CFAP53: variants seen among roughly 807,000 people sequenced by gnomAD.
CFAP53 encodes the protein cilia and flagella associated protein 53, also known as cilia- and flagella-associated protein 53.
Under a neutral mutation model 59.7 loss-of-function variants are expected in CFAP53, and 62 were observed. The observed-to-expected ratio is 1.04, with a 90% CI of 0.85 to 1.28. The LOEUF is 1.28. Ranked by LOEUF, CFAP53 falls within the 50% of genes most tolerant of loss-of-function variation. CFAP53 has a pLI of 0.00. For synonymous variants in CFAP53, 218 were observed against 205.7 expected, an observed-to-expected ratio of 1.06 and a Z score of -0.51; for missense variants, 629 against 615.6, an observed-to-expected ratio of 1.02 and a Z score of -0.23.
At chr18:50,255,704 T>G (rs564841266) in intron 3 of CFAP53, among the ~76,000 whole-genome samples, 1 of 152,168 alleles carries the variant, frequency 6.6e-6, no homozygotes, top group Non-Finnish European at 1.5e-5. Context: ...GTATCAAATA[T>G]TCTATGAATG....
chr18:50,237,945 A>G (rs956662359), intron 7 of CFAP53, among the ~76,000 whole-genome samples: 1 of 152,166 alleles, frequency 6.6e-6, no homozygotes, highest in Non-Finnish European at 1.5e-5. Context: ...CCTGCTTTTC[A>G]GGATTTGTTT....
chr18:50,239,524 C>T (rs1023078758), intron 6 of CFAP53, among the ~76,000 whole-genome samples: 5 of 152,124 alleles, frequency 3.3e-5, no homozygotes, highest in Non-Finnish European at 7.4e-5. Flanking sequence ...AGAAATTCAT[C>T]TTAAACAACC....
rs1568151927 is a variant in CFAP53 at position 50,238,667 on chromosome 18, C to T, written c.1252G>A (p.Glu418Lys). 2 of 1,611,776 alleles carry T rather than the reference C, an allele frequency of 1.2e-6. No individual in the cohort carries two copies. Among genetic ancestry groups the T allele is most frequent in the Non-Finnish European group, 1.7e-6 (2 of 1,179,062 alleles). ...AGACTTTCATTTATGTGTTTCTGTTCCATAGCACGTTCTTCCTGTTCTTTA... is the reference window on the plus strand; with the variant it reads ...AGACTTTCATTTATGTGTTTCTGTTTCATAGCACGTTCTTCCTGTTCTTTA... Reference protein sequence around the residue: ...EAKEQEERAMEQKHINESLKE... With the variant: ...EAKEQEERAMKQKHINESLKE... Residue 418 changes from glutamate to lysine, a missense_variant, in exon 7 of 8, where the codon GAA becomes AAA. By Grantham distance (56) the Glu-to-Lys change is moderately conservative. Transcript: ENST00000398545.
At chr18:50,249,320 C>A (rs1384110199) in intron 5 of CFAP53, among the ~76,000 whole-genome samples, 1 of 151,456 alleles carries the variant, frequency 6.6e-6, no homozygotes, top group African/African-American at 2.4e-5. Flanking sequence ...GAGTTCAAGA[C>A]CAGCCTGGGC....
intron 7 of CFAP53, among the ~76,000 whole-genome samples, chr18:50,228,333 G>C (rs548173873): frequency 2.6e-5 from 4 of 151,998 alleles, no homozygotes; most frequent in Non-Finnish European, 5.9e-5. Context: ...CCACATCCCC[G>C]CACAAGAGGC....
At chr18:50,246,039 G>A (rs1442808472) in intron 5 of CFAP53, among the ~76,000 whole-genome samples, 1 of 152,130 alleles carries the variant, frequency 6.6e-6, no homozygotes, top group Non-Finnish European at 1.5e-5. Context: ...ACAGGCATGG[G>A]CCACCATGCC....
intron 5 of CFAP53, among the ~76,000 whole-genome samples, chr18:50,246,546 T>C (rs1279578396): frequency 6.6e-6 from 1 of 152,228 alleles, no homozygotes; most frequent in Non-Finnish European, 1.5e-5. Context: ...AGTACATCTT[T>C]GTGATCCTAG....
Position 50,266,419 on chromosome 18 carries a change from C to T in CFAP53, c.-15G>A, listed in dbSNP as rs375383045. The stretch of plus-strand genomic sequence containing the variant: ...TGGCTGTACATTTTCGAGTCCCCTT[C>T]GGGACGGGGGCGGCGTCCGCCGCGT... On this transcript the variant is annotated 5_prime_UTR_variant, in exon 1 of 8. Transcript: ENST00000398545. 1 of 1,614,014 alleles carries T rather than the reference C, an allele frequency of 6.2e-7. No individual in the cohort carries two copies. The highest frequency in any genetic ancestry group is 8.5e-7 in the Non-Finnish European group (1 of 1,179,840).
intron 3 of CFAP53, among the ~76,000 whole-genome samples, chr18:50,258,450 A>C (rs1462165954): frequency 6.6e-6 from 1 of 152,238 alleles, no homozygotes; most frequent in Non-Finnish European, 1.5e-5. Flanking sequence ...GCAAAAATCA[A>C]ATCAAAATAG....
chr18:50,255,167 T>C (rs2033835906), intron 3 of CFAP53, among the ~76,000 whole-genome samples: 1 of 152,126 alleles, frequency 6.6e-6, no homozygotes, highest in Non-Finnish European at 1.5e-5. Flanking sequence ...AGGCATTATG[T>C]TGAGTGAAAA....
At chr18:50,252,549 A>G (rs111919579) in intron 3 of CFAP53, among the ~76,000 whole-genome samples, 325 of 152,208 alleles carry the variant, frequency 2.1e-3, no homozygotes, top group African/African-American at 7.5e-3. Flanking sequence ...GACTATAAGC[A>G]CATGTCACCG....
chr18:50,241,799 G>T (rs949780305), intron 6 of CFAP53, among the ~76,000 whole-genome samples: 4 of 152,016 alleles, frequency 2.6e-5, no homozygotes, highest in Non-Finnish European at 5.9e-5. Flanking sequence ...ACTGATGAGG[G>T]TCTGCGTCCC....
intron 5 of CFAP53, among the ~76,000 whole-genome samples, chr18:50,245,969 C>T (rs991975325): frequency 7.2e-5 from 11 of 152,148 alleles, no homozygotes; most frequent in Admixed American, 6.5e-5. Flanking sequence ...CAGCTCACTG[C>T]AACGTCCGCC....
chr18:50,230,746 T>G (rs1160002441), intron 7 of CFAP53, among the ~76,000 whole-genome samples: 1 of 152,208 alleles, frequency 6.6e-6, no homozygotes, highest in African/African-American at 2.4e-5. Flanking sequence ...AGAACTGAAT[T>G]GAATTCTTGG....
intron 5 of CFAP53, among the ~76,000 whole-genome samples, chr18:50,248,876 GA>G (rs1219745938): frequency 6.6e-6 from 1 of 151,648 alleles, no homozygotes; most frequent in African/African-American, 2.4e-5. Context: ...CCATAACCTG[GA>G]AACAACTCAA....
Position 50,266,427 on chromosome 18 carries a change from GGGCGGCGTCC to G in CFAP53, c.-33_-24del. 1 of 1,613,276 alleles carries G rather than the reference GGGCGGCGTCC, an allele frequency of 6.2e-7. No homozygotes were observed. The highest frequency in any genetic ancestry group is 8.5e-7 in the Non-Finnish European group (1 of 1,179,182). ...CATTTTCGAGTCCCCTTCGGGACGG[GGGCGGCGTCC>G]GCCGCGTTTCCCCCAACCGTGGCGA... On this transcript the variant is annotated 5_prime_UTR_variant, in exon 1 of 8. Coordinates refer to ENST00000398545, the MANE Select transcript of CFAP53 (RefSeq NM_145020.5).
At chr18:50,258,070 TAAAAGAAAATAAG>T (rs746544431) in intron 3 of CFAP53, among the ~76,000 whole-genome samples, 25 of 151,482 alleles carry the variant, frequency 1.7e-4, no homozygotes, top group Admixed American at 1.1e-3. Context: ...TAAAATGAAA[TAAAAGAAAATAAG>T]AAAAGAAAAG....
chr18:50,237,327 A>AAAAAAAAT (rs2033644797), intron 7 of CFAP53, among the ~76,000 whole-genome samples: 1 of 7,962 alleles, frequency 1.3e-4, no homozygotes, highest in Non-Finnish European at 4.4e-4. Context: ...AAAAAAAAAA[A>AAAAAAAAT]AAATATATAT....
intron 6 of CFAP53, among the ~76,000 whole-genome samples, chr18:50,240,160 C>G (rs1038600260): frequency 2.0e-5 from 3 of 151,758 alleles, no homozygotes; most frequent in Non-Finnish European, 2.9e-5. Flanking sequence ...CCCACCCTGA[C>G]TCATTCAAAT....
Sources: allele counts gnomAD v4.1 joint callset (sites outside exome capture counted in the v4.1 genomes callset), GRCh38; gene constraint gnomAD v4.1.1; transcripts MANE v1.5; gene names NCBI Gene and HGNC (gene_info 2026-07-23, HGNC 2026-07-21).